PLEKHD1: variants seen among roughly 807,000 people sequenced by gnomAD.
PLEKHD1 encodes the protein pleckstrin homology and coiled-coil domain containing D1.
A neutral mutation model predicts 69.2 loss-of-function variants in PLEKHD1; 51 were observed. That is an observed-to-expected ratio of 0.74 (90% CI 0.59 to 0.93). The LOEUF (loss-of-function observed/expected upper bound fraction) is 0.93, where lower values mean the gene tolerates loss of function less well. Among genes scored for constraint, PLEKHD1 ranks in the 40% least tolerant of loss-of-function variants. The probability of loss-of-function intolerance (pLI) is 0.00; values close to 1 mark genes in which losing one functional copy is unlikely to be tolerated. For synonymous variants in PLEKHD1, 236 were observed against 244.7 expected (o/e 0.96, Z 0.33); for missense variants, 584 against 641.0 (o/e 0.91, Z 0.96).
At chr14:69,521,040 G>A (rs1026876538) in intron 6 of PLEKHD1, among the ~76,000 whole-genome samples, 4 of 152,374 alleles carry the variant, frequency 2.6e-5, no homozygotes, top group Admixed American at 2.6e-4. Context: ...GCTGAGGCAG[G>A]AGGATGGCTT....
At chr14:69,485,514 C>A (rs563380361) in intron 1 of PLEKHD1, among the ~76,000 whole-genome samples, 46 of 152,278 alleles carry the variant, frequency 3.0e-4, no homozygotes, top group Admixed American at 2.7e-3. Flanking sequence ...CTTCACAACC[C>A]CTGACCCAGG....
chr14:69,525,840 T>A (rs1883632041), intron 8 of PLEKHD1, 104 bp from the exon 9 acceptor site: 3 of 1,101,678 alleles, frequency 2.7e-6, no homozygotes, highest in Middle Eastern at 2.1e-4. Context: ...CATAGAGGAC[T>A]GAGAGAGGAG....
intron 2 of PLEKHD1, 50 bp downstream of exon 2, chr14:69,500,258 A>G (rs1268357165): frequency 1.6e-5 from 23 of 1,403,862 alleles, no homozygotes; most frequent in Non-Finnish European, 2.3e-5. Context: ...CAGTGCGGGC[A>G]TCAGAGCTTG....
chr14:69,525,880 T>G, intron 8 of PLEKHD1, 64 bp from the exon 9 acceptor site: 1 of 1,464,054 alleles, frequency 6.8e-7, no homozygotes, highest in East Asian at 2.5e-5. Context: ...GAAAAGCAGG[T>G]GAGGGCAGCC....
the PLEKHD1 span, among the ~76,000 whole-genome samples, chr14:69,477,130 G>A: frequency 6.6e-6 from 1 of 152,124 alleles, no homozygotes; most frequent in Non-Finnish European, 1.5e-5. Flanking sequence ...TCCCGCCTCA[G>A]CCTCCTAAGT....
At chr14:69,522,646 C>T (rs531483505) in intron 7 of PLEKHD1, among the ~76,000 whole-genome samples, 3 of 152,140 alleles carry the variant, frequency 2.0e-5, no homozygotes, top group Non-Finnish European at 2.9e-5. Flanking sequence ...GCCACAAAGC[C>T]CCCTGCCTTC....
chr14:69,484,602 C>G, upstream of PLEKHD1: 1 of 175,008 alleles, frequency 5.7e-6, no homozygotes, highest in Non-Finnish European at 1.2e-5. Context: ...GCCGGCCTCC[C>G]GCCGGCTCAC....
Position 69,501,784 on chromosome 14 carries a change from C to G in PLEKHD1, c.461C>G (p.Ala154Gly), listed in dbSNP as rs1208474660. 1 of 1,551,420 alleles carries G rather than the reference C, an allele frequency of 6.4e-7. No individual in the cohort carries two copies. Among genetic ancestry groups the G allele is most frequent in the African/African-American group, 1.4e-5 (1 of 73,040 alleles). Residue 154 changes from alanine to glycine, a missense_variant, in exon 5 of 13, where the codon GCC becomes GGC. Transcript: ENST00000322564. ...GAAGCCATGATCAAAAGCCTGGAGG[C>G]CCAGGGGCTGCAGTTGGCTAAGGAA... Reference protein sequence around the residue: ...LGEAMIKSLEAQGLQLAKEKQ... With the variant: ...LGEAMIKSLEGQGLQLAKEKQ...
upstream of PLEKHD1, among the ~76,000 whole-genome samples, chr14:69,484,007 C>A (rs1188064568): frequency 6.6e-6 from 1 of 152,256 alleles, no homozygotes; most frequent in Non-Finnish European, 1.5e-5. Context: ...ACACACTGCA[C>A]GGATAGCTCC....
At position 69,528,235 on chromosome 14, in the gene PLEKHD1, C is replaced by T. The variant is rs745416730; in HGVS notation, c.1352-15C>T. 6.4e-7 allele frequency: 1 copy of T among 1,551,352 alleles called. No individual in the cohort carries two copies. The highest frequency in any genetic ancestry group is 8.7e-7 in the Non-Finnish European group (1 of 1,146,878). The stretch of plus-strand genomic sequence containing the variant: ...GAGCACTGTTCACAGGGCTGTTGGG[C>T]TCCTGTTTCCCCAGTGAAGCCGTCC... On this transcript the variant is annotated splice_polypyrimidine_tract_variant and intron_variant, in intron 12 of 12. Coordinates refer to ENST00000322564, the MANE Select transcript of PLEKHD1 (RefSeq NM_001161498.2).
Position 69,501,736 on chromosome 14 carries a change from C to T in PLEKHD1, c.413C>T (p.Thr138Ile), listed in dbSNP as rs1160524513. ...LEMLQESGKVTWKNAQLGEAM... is the reference protein window; with the variant it reads ...LEMLQESGKVIWKNAQLGEAM... ...TCCCATCTGCCCTCCCTCCCCAGGA[C>T]CTGGAAGAATGCCCAGCTGGGAGAA... The change falls in exon 5 of 13, where the codon ACC becomes ATC. Residue 138 changes from threonine to isoleucine, a missense_variant and splice_region_variant. Transcript: ENST00000322564. 2.6e-6 allele frequency: 4 copies of T among 1,550,684 alleles called. No individual in the cohort carries two copies. Among genetic ancestry groups the T allele is most frequent in the Non-Finnish European group, 3.5e-6 (4 of 1,146,434 alleles).
upstream of PLEKHD1, among the ~76,000 whole-genome samples, chr14:69,483,113 G>T (rs1487740441): frequency 6.6e-6 from 1 of 152,134 alleles, no homozygotes; most frequent in African/African-American, 2.4e-5. Context: ...CGGGCCCTGT[G>T]TTAAGGCTTG....
intron 6 of PLEKHD1, among the ~76,000 whole-genome samples, chr14:69,511,122 G>T (rs1883261255): frequency 6.6e-6 from 1 of 151,974 alleles, no homozygotes. Context: ...TTATTCGTTT[G>T]GATTTGGTTT....
At chr14:69,506,479 G>A (rs920308329) in intron 6 of PLEKHD1, among the ~76,000 whole-genome samples, 4 of 152,160 alleles carry the variant, frequency 2.6e-5, no homozygotes, top group Non-Finnish European at 1.5e-5. Context: ...GGCTACACTT[G>A]GACACTGGCT....
intron 6 of PLEKHD1, among the ~76,000 whole-genome samples, chr14:69,518,909 G>C (rs1186708784): frequency 6.6e-6 from 1 of 152,086 alleles, no homozygotes; most frequent in African/African-American, 2.4e-5. Flanking sequence ...GCTGTCCTTG[G>C]CTTTGCCTGT....
At chr14:69,496,591 G>T (rs1882892928) in intron 1 of PLEKHD1, among the ~76,000 whole-genome samples, 1 of 152,090 alleles carries the variant, frequency 6.6e-6, no homozygotes, top group Non-Finnish European at 1.5e-5. Flanking sequence ...ACCCTGGAGT[G>T]CAGTGGTGGT....
intron 1 of PLEKHD1, among the ~76,000 whole-genome samples, chr14:69,493,358 A>G (rs1882818433): frequency 6.6e-6 from 1 of 152,232 alleles, no homozygotes; most frequent in Non-Finnish European, 1.5e-5. Flanking sequence ...CAGCAGAAAT[A>G]ACCGTGTTCT....
At chr14:69,489,178 G>T (rs1451963329) in intron 1 of PLEKHD1, among the ~76,000 whole-genome samples, 1 of 152,208 alleles carries the variant, frequency 6.6e-6, no homozygotes, top group African/African-American at 2.4e-5. Flanking sequence ...GTATGGGTCA[G>T]ACCTCCAGCT....
intron 6 of PLEKHD1, among the ~76,000 whole-genome samples, chr14:69,518,225 A>T (rs193003199): frequency 9.9e-5 from 15 of 152,050 alleles, no homozygotes; most frequent in Admixed American, 2.6e-4. Context: ...TATTTTTAGT[A>T]GAGATGGGGT....
Sources: gnomAD v4.1 joint callset for allele counts (sites outside exome capture counted in the v4.1 genomes callset) on GRCh38, gnomAD v4.1.1 for gene constraint, MANE v1.5 for transcripts, NCBI Gene and HGNC (gene_info 2026-07-23, HGNC 2026-07-21) for gene names.